The following XPR1 variants were observed in gnomAD, a reference collection of about 807,000 sequenced individuals.
The protein encoded by XPR1 is solute carrier family 53 member 1.
XPR1 carries 28 observed loss-of-function variants against 87.5 expected under a neutral mutation model. The ratio of observed to expected loss-of-function variants is 0.32; its 90% confidence interval spans 0.24 to 0.44. The LOEUF (loss-of-function observed/expected upper bound fraction) is 0.44. Among genes scored for constraint, XPR1 ranks in the 20% least tolerant of loss-of-function variants. The probability of loss-of-function intolerance (pLI) is 1.00; values close to 1 mark genes in which losing one functional copy is unlikely to be tolerated. For missense variants in XPR1, 559 were observed against 862.3 expected, an observed-to-expected ratio of 0.65 and a Z score of 4.41; for synonymous variants, 300 against 306.1, an observed-to-expected ratio of 0.98 and a Z score of 0.21.
intron 2 of XPR1, among the ~76,000 whole-genome samples, chr1:180,689,457 T>C (rs1456337206): frequency 6.6e-6 from 1 of 152,188 alleles, no homozygotes; most frequent in East Asian, 1.9e-4. Flanking sequence ...TCTCTTTCAA[T>C]AAATTTCTCT....
chr1:180,808,238 A>G (rs1312489618), intron 6 of XPR1, among the ~76,000 whole-genome samples: 1 of 151,964 alleles, frequency 6.6e-6, no homozygotes, highest in Non-Finnish European at 1.5e-5. Flanking sequence ...TTAGTGGAGA[A>G]GGGTAGCATT....
At chr1:180,785,783 T>C (rs1313333174) in intron 2 of XPR1, among the ~76,000 whole-genome samples, 1 of 151,866 alleles carries the variant, frequency 6.6e-6, no homozygotes, top group Non-Finnish European at 1.5e-5. Context: ...CATGTTTTGC[T>C]TTTGGGTTTT....
At chr1:180,747,877 C>T (rs1223649437) in intron 2 of XPR1, among the ~76,000 whole-genome samples, 1 of 152,172 alleles carries the variant, frequency 6.6e-6, no homozygotes, top group East Asian at 1.9e-4. Flanking sequence ...CCAACTGAAA[C>T]CATTATGTCT....
At chr1:180,738,704 C>A (rs2102019854) in intron 2 of XPR1, among the ~76,000 whole-genome samples, 1 of 152,150 alleles carries the variant, frequency 6.6e-6, no homozygotes, top group East Asian at 1.9e-4. Flanking sequence ...ATTTCCCAGT[C>A]TTTTGTCCAT....
intron 3 of XPR1, among the ~76,000 whole-genome samples, chr1:180,799,690 A>G (rs1219811732): frequency 6.6e-6 from 1 of 152,150 alleles, no homozygotes; most frequent in African/African-American, 2.4e-5. Context: ...AAGGCATCCA[A>G]CACAATCAAC....
At chr1:180,729,493 A>G (rs1055559781) in intron 2 of XPR1, among the ~76,000 whole-genome samples, 1 of 152,194 alleles carries the variant, frequency 6.6e-6, no homozygotes, top group Admixed American at 6.5e-5. Flanking sequence ...ACTTTCCACA[A>G]TAGTTGAACT....
chr1:180,677,771 A>G (rs1656415234), intron 1 of XPR1, among the ~76,000 whole-genome samples: 1 of 152,204 alleles, frequency 6.6e-6, no homozygotes, highest in African/African-American at 2.4e-5. Context: ...GTTGCACTAT[A>G]AACTACGTTC....
intron 2 of XPR1, among the ~76,000 whole-genome samples, chr1:180,707,845 C>T (rs2101979087): frequency 6.6e-6 from 1 of 152,214 alleles, no homozygotes; most frequent in South Asian, 2.1e-4. Flanking sequence ...TTGTGGAGAT[C>T]TTTATTATCC....
intron 6 of XPR1, among the ~76,000 whole-genome samples, chr1:180,807,250 G>C (rs1650031446): frequency 6.6e-6 from 1 of 152,148 alleles, no homozygotes; most frequent in Admixed American, 6.5e-5. Context: ...AGACATTCAG[G>C]GTAGAAACGA....
chr1:180,747,620 G>C lies in XPR1; in HGVS notation c.122-40133G>C, dbSNP rs1267525203. Among the ~76,000 whole-genome samples, 3 of 152,114 alleles carry C rather than the reference G, an allele frequency of 2.0e-5. No individual in the cohort carries two copies. The South Asian group carries it at 6.2e-4, about 32-fold the overall frequency. On this transcript the variant is annotated intron_variant, in intron 2 of 14. Coordinates refer to ENST00000367590, the MANE Select transcript of XPR1 (RefSeq NM_004736.4). Reference sequence around the variant, plus strand: ...TTTTAAAAATAAGTTAATAGGGAAGGCTTTTTACTATTTAAATATTACATG... The same window carrying C: ...TTTTAAAAATAAGTTAATAGGGAAGCCTTTTTACTATTTAAATATTACATG...
At chr1:180,636,147 A>G (rs1016597713) in intron 1 of XPR1, among the ~76,000 whole-genome samples, 8 of 152,310 alleles carry the variant, frequency 5.3e-5, no homozygotes, top group Admixed American at 5.2e-4. Flanking sequence ...TTACCATAAC[A>G]TTATTAACGA....
At chr1:180,679,069 C>T (rs112202381) in intron 1 of XPR1, among the ~76,000 whole-genome samples, 2,602 of 152,172 alleles carry the variant, frequency 0.017, 69 homozygotes, top group African/African-American at 0.059. Context: ...GTGGTGCACA[C>T]CTGTAGTCCC....
At chr1:180,877,748 A>T (rs78635925) in intron 13 of XPR1, among the ~76,000 whole-genome samples, 4,217 of 152,316 alleles carry the variant, frequency 0.028, 72 homozygotes, top group Non-Finnish European at 0.031. Flanking sequence ...ATCTTAAAAA[A>T]AAAAGGCAAA....
At chr1:180,721,230 A>G (rs557975888) in intron 2 of XPR1, among the ~76,000 whole-genome samples, 1 of 152,172 alleles carries the variant, frequency 6.6e-6, no homozygotes, top group Admixed American at 6.5e-5. Context: ...TCAAAAAAAA[A>G]AAAAAAATCT....
intron 2 of XPR1, among the ~76,000 whole-genome samples, chr1:180,782,689 A>C (rs2102081858): frequency 6.6e-6 from 1 of 152,100 alleles, no homozygotes; most frequent in South Asian, 2.1e-4. Flanking sequence ...CCCTGTCTCC[A>C]AATACAAGTC....
intron 2 of XPR1, among the ~76,000 whole-genome samples, chr1:180,736,776 G>A (rs1054702911): frequency 2.0e-5 from 3 of 152,158 alleles, no homozygotes; most frequent in Admixed American, 6.6e-5. Context: ...TGGGGTTGGG[G>A]TGAGGAGTGG....
intron 7 of XPR1, among the ~76,000 whole-genome samples, chr1:180,821,810 T>C (rs1650633745): frequency 6.6e-6 from 1 of 152,216 alleles, no homozygotes; most frequent in Non-Finnish European, 1.5e-5. Context: ...TTAGAATTAT[T>C]TTCTTAATTT....
chr1:180,820,776 G>C (rs1400138821), intron 7 of XPR1, among the ~76,000 whole-genome samples: 1 of 152,038 alleles, frequency 6.6e-6, no homozygotes, highest in Non-Finnish European at 1.5e-5. Flanking sequence ...GGCGTGAAGT[G>C]GTATCTCATT....
intron 11 of XPR1, among the ~76,000 whole-genome samples, chr1:180,853,977 A>C (rs1651957566): frequency 2.0e-5 from 3 of 152,142 alleles, no homozygotes; most frequent in Non-Finnish European, 4.4e-5. Context: ...TGTGACACTC[A>C]TTGAATTAAA....
Sources: gnomAD v4.1 joint callset for allele counts (sites outside exome capture counted in the v4.1 genomes callset) on GRCh38, gnomAD v4.1.1 for gene constraint, MANE v1.5 for transcripts, NCBI Gene and HGNC (gene_info 2026-07-23, HGNC 2026-07-21) for gene names.